Variants in ENTPD1 observed in about 807,000 individuals in gnomAD.
The protein encoded by ENTPD1 is ATP diphosphohydrolase.
A neutral mutation model predicts 57.0 loss-of-function variants in ENTPD1; 33 were observed. The observed-to-expected ratio is 0.58, with a 90% CI of 0.44 to 0.77. ENTPD1 has a LOEUF of 0.77. ENTPD1 is among the 30% of genes least tolerant of loss of function. The pLI, the probability that ENTPD1 is intolerant of heterozygous loss-of-function variation, is 0.00. For missense variants in ENTPD1, 501 were observed against 603.4 expected (o/e 0.83, Z 1.78); for synonymous variants, 202 against 218.8 (o/e 0.92, Z 0.68).
Position 95,872,423 on chromosome 10 carries a change from A to T in ENTPD1, c.*6040A>T, listed in dbSNP as rs1158057893. On this transcript the variant is annotated 3_prime_UTR_variant, in exon 10 of 10. Coordinates refer to ENST00000371205, the MANE Select transcript of ENTPD1 (RefSeq NM_001776.6). ...CTACAGCCAGGTAGAATGACTGTTCACCCAACACCACTCAGGTTGTCTTCT... is the reference window on the plus strand; with the variant it reads ...CTACAGCCAGGTAGAATGACTGTTCTCCCAACACCACTCAGGTTGTCTTCT... 3 of 985,268 alleles carry T rather than the reference A, an allele frequency of 3.0e-6. No homozygotes were observed. Among genetic ancestry groups the T allele is most frequent in the Non-Finnish European group, 3.6e-6 (3 of 829,924 alleles). The allele number at this position is 985,268 out of a possible 1,614,324, so 61.0% of individuals were successfully genotyped here.
chr10:95,850,694 G>A (rs576946843), intron 7 of ENTPD1, among the ~76,000 whole-genome samples: 6 of 152,276 alleles, frequency 3.9e-5, no homozygotes, highest in Admixed American at 1.3e-4. Flanking sequence ...AGCAAAAAGC[G>A]GGCATACCCC....
rs2098477527 is a variant in ENTPD1, at chr10:95,869,132, T to G, written c.*2749T>G. ...TTTCACCCAGGACTCAAAACTTGGT[T>G]CTGCTAACCCTGTTCCTTTATGAGG... On this transcript the variant is annotated 3_prime_UTR_variant, in exon 10 of 10. Coordinates refer to ENST00000371205, the MANE Select transcript of ENTPD1 (RefSeq NM_001776.6). 1.0e-6 allele frequency: 1 copy of G among 985,198 alleles called. No homozygotes were observed. Among genetic ancestry groups the G allele is most frequent in the Non-Finnish European group, 1.2e-6 (1 of 829,910 alleles). The allele number at this position is 985,198 out of a possible 1,614,324, so 61.0% of individuals were successfully genotyped here. A position where few individuals can be genotyped will look rare whatever the true frequency, so the allele number is the denominator to read the frequency against.
intron 1 of ENTPD1, among the ~76,000 whole-genome samples, chr10:95,771,507 C>T (rs1420288208): frequency 1.3e-5 from 2 of 152,154 alleles, no homozygotes; most frequent in East Asian, 1.9e-4. Context: ...GCTGAGTGTG[C>T]CCAGTTCCCT....
intron 1 of ENTPD1, among the ~76,000 whole-genome samples, chr10:95,728,894 G>A (rs1373984657): frequency 6.6e-6 from 1 of 152,080 alleles, no homozygotes; most frequent in Non-Finnish European, 1.5e-5. Context: ...GTCTGTGTTT[G>A]TGTAAGTTTT....
intron 1 of ENTPD1, among the ~76,000 whole-genome samples, chr10:95,728,806 A>G (rs1484190844): frequency 6.6e-6 from 1 of 152,154 alleles, no homozygotes; most frequent in Non-Finnish European, 1.5e-5. Context: ...TCTACGGTGA[A>G]TTTTATGAAG....
intron 1 of ENTPD1, among the ~76,000 whole-genome samples, chr10:95,733,277 G>A (rs567712785): frequency 6.6e-6 from 1 of 152,294 alleles, no homozygotes; most frequent in East Asian, 1.9e-4. Context: ...CTCTCAGGCA[G>A]CCAGACCTAA....
At chr10:95,698,552 G>A in the ENTPD1 span, among the ~76,000 whole-genome samples, 1 of 152,194 alleles carries the variant, frequency 6.6e-6, no homozygotes, top group African/African-American at 2.4e-5. Flanking sequence ...GATCCCAAAG[G>A]CATTTCAAAG....
intron 1 of ENTPD1, among the ~76,000 whole-genome samples, chr10:95,811,676 G>T (rs761532795): frequency 1.3e-5 from 2 of 152,154 alleles, no homozygotes; most frequent in African/African-American, 2.4e-5. Context: ...GACCCACCAC[G>T]CCTGGCCCCA....
intron 1 of ENTPD1, among the ~76,000 whole-genome samples, chr10:95,803,500 T>G (rs904676096): frequency 3.3e-5 from 5 of 152,272 alleles, no homozygotes; most frequent in Non-Finnish European, 7.3e-5. Flanking sequence ...GCTGCATAGA[T>G]GTCCTCTTTT....
intron 1 of ENTPD1, among the ~76,000 whole-genome samples, chr10:95,822,884 G>A (rs776679555): frequency 3.2e-4 from 48 of 152,154 alleles, no homozygotes; most frequent in Non-Finnish European, 4.0e-4. Context: ...AAAATGAGGA[G>A]GGGTATTCTT....
chr10:95,760,717 C>T (rs1246325817), intron 1 of ENTPD1, among the ~76,000 whole-genome samples: 1 of 150,404 alleles, frequency 6.6e-6, no homozygotes, highest in Non-Finnish European at 1.5e-5. Context: ...TGCTGAAGGG[C>T]ACTAGTGTTT....
chr10:95,724,313 G>A (rs1166200753), intron 1 of ENTPD1, among the ~76,000 whole-genome samples: 2 of 152,138 alleles, frequency 1.3e-5, no homozygotes, highest in Non-Finnish European at 2.9e-5. Context: ...AATAGCAAGT[G>A]AAAGTGGTCC....
chr10:95,844,739 A>AGATG lies in ENTPD1; in HGVS notation c.573+121_573+124dup, dbSNP rs923110939. On this transcript the variant is annotated intron_variant, in intron 5 of 9. Transcript: ENST00000371205. ...TAGCCAGAATGAATGAATGAATGAT[A>AGATG]GATGGATGGATGGATGGATGACTGG... The AGATG allele has an allele frequency of 4.2e-5, 56 of 1,324,684 alleles. No individual in the cohort carries two copies. The Admixed American group carries it at 5.0e-4, about 12-fold the overall frequency. The allele number at this position is 1,324,684 out of a possible 1,614,324, so 82.1% of individuals were successfully genotyped here. A position where few individuals can be genotyped will look rare whatever the true frequency, so the allele number is the denominator to read the frequency against.
chr10:95,845,793 G>A, intron 6 of ENTPD1, 197 bp downstream of exon 6: 1 of 737,872 alleles, frequency 1.4e-6, no homozygotes, highest in Admixed American at 2.5e-5. Context: ...TCCCATGTTT[G>A]TTTACTGCGT....
chr10:95,781,067 A>G (rs2098155743), intron 1 of ENTPD1, among the ~76,000 whole-genome samples: 1 of 152,214 alleles, frequency 6.6e-6, no homozygotes, highest in South Asian at 2.1e-4. Flanking sequence ...ATGGACTGCT[A>G]TTCAGCCATA....
At chr10:95,795,330 T>C (rs1056191432) in intron 1 of ENTPD1, among the ~76,000 whole-genome samples, 4 of 152,150 alleles carry the variant, frequency 2.6e-5, no homozygotes, top group African/African-American at 9.7e-5. Context: ...TGTCAGTAAC[T>C]GGATGAGTGG....
rs896616473 is a variant in ENTPD1, at chr10:95,869,022, T to C, written c.*2639T>C. On this transcript the variant is annotated 3_prime_UTR_variant, in exon 10 of 10. Coordinates refer to ENST00000371205, the MANE Select transcript of ENTPD1 (RefSeq NM_001776.6). ...CTGCTTTGGGCCACTCTGGGTGGGG[T>C]AGGTGAAATAAGATTGGTCACTGTT... 1.0e-6 allele frequency: 1 copy of C among 985,284 alleles called. No homozygotes were observed. The highest frequency in any genetic ancestry group is 4.7e-5 in the South Asian group (1 of 21,278). The allele number at this position is 985,284 out of a possible 1,614,324, so 61.0% of individuals were successfully genotyped here. A position where few individuals can be genotyped will look rare whatever the true frequency, so the allele number is the denominator to read the frequency against.
chr10:95,705,152 T>G, the ENTPD1 span, among the ~76,000 whole-genome samples: 1 of 152,176 alleles, frequency 6.6e-6, no homozygotes, highest in Non-Finnish European at 1.5e-5. Flanking sequence ...GATATTTCAT[T>G]TGCTACTGAT....
chr10:95,794,816 T>TA (rs1199529744), intron 1 of ENTPD1, among the ~76,000 whole-genome samples: 1 of 152,070 alleles, frequency 6.6e-6, no homozygotes, highest in East Asian at 1.9e-4. Context: ...GGGAATGTTC[T>TA]AGGCAGAGTA....
Sources: allele counts gnomAD v4.1 joint callset (sites outside exome capture counted in the v4.1 genomes callset), GRCh38; gene constraint gnomAD v4.1.1; transcripts MANE v1.5; gene names NCBI Gene and HGNC (gene_info 2026-07-23, HGNC 2026-07-21).